LUZP1: variants seen among roughly 807,000 people sequenced by gnomAD.
LUZP1 encodes leucine zipper protein 1, also known as filamin mechanobinding actin cross-linking protein.
LUZP1 carries 25 observed loss-of-function variants against 71.3 expected under a neutral mutation model. The observed-to-expected ratio is 0.35, with a 90% CI of 0.26 to 0.49. The LOEUF is 0.49. Ranked by LOEUF, LUZP1 falls within the 20% of genes least tolerant of loss-of-function variation. The pLI is 0.99. For synonymous variants in LUZP1, 481 were observed against 506.4 expected, an observed-to-expected ratio of 0.95 and a Z score of 0.67; for missense variants, 1,142 against 1,300.8, an observed-to-expected ratio of 0.88 and a Z score of 1.88.
intron 3 of LUZP1, among the ~76,000 whole-genome samples, chr1:23,107,519 G>C (rs1296158358): frequency 6.6e-6 from 1 of 152,096 alleles, no homozygotes; most frequent in African/African-American, 2.4e-5. Context: ...GGTATGTGTA[G>C]GCTGGGTGCA....
At chr1:23,096,215 A>C (rs1204331337) in intron 3 of LUZP1, among the ~76,000 whole-genome samples, 1 of 152,180 alleles carries the variant, frequency 6.6e-6, no homozygotes, top group African/African-American at 2.4e-5. Context: ...CAACAGCTAG[A>C]AACAGAGAAG....
chr1:23,171,142 A>AC (rs577332518), intron 1 of LUZP1, among the ~76,000 whole-genome samples: 11 of 148,568 alleles, frequency 7.4e-5, no homozygotes, highest in Non-Finnish European at 1.6e-4. Flanking sequence ...TTATATATGT[A>AC]TTTTTATATA....
chr1:23,092,103 G>A, exon 4 of LUZP1: 2 of 1,614,184 alleles, frequency 1.2e-6, no homozygotes, highest in Non-Finnish European at 1.7e-6. Flanking sequence ...GGCTCTGACA[G>A]ATTTCACAGA....
chr1:23,147,034 T>A (rs924400729), intron 2 of LUZP1, among the ~76,000 whole-genome samples: 5 of 147,882 alleles, frequency 3.4e-5, no homozygotes, highest in Admixed American at 2.7e-4. Context: ...GAGGCGGAGG[T>A]TGCAGTGAGC....
intron 2 of LUZP1, among the ~76,000 whole-genome samples, chr1:23,110,662 A>C (rs1204548201): frequency 6.6e-6 from 1 of 151,262 alleles, no homozygotes; most frequent in Non-Finnish European, 1.5e-5. Context: ...ACACACACAC[A>C]CACCCATCCC....
chr1:23,166,907 TCCAA>T (rs1305152152), intron 2 of LUZP1, among the ~76,000 whole-genome samples: 1 of 152,148 alleles, frequency 6.6e-6, no homozygotes, highest in African/African-American at 2.4e-5. Flanking sequence ...TTCTTCATAC[TCCAA>T]CCCATTCCCT....
chr1:23,152,929 A>G (rs1445832486), intron 2 of LUZP1, among the ~76,000 whole-genome samples: 3 of 152,038 alleles, frequency 2.0e-5, no homozygotes, highest in Non-Finnish European at 4.4e-5. Context: ...AAATCTCTCC[A>G]ATATATTCCT....
At chr1:23,089,181 G>A (rs773552954) in intron 4 of LUZP1, 128 bp from the exon 4 acceptor site, 3 of 814,926 alleles carry the variant, frequency 3.7e-6, no homozygotes, top group South Asian at 3.5e-5. Context: ...CAGGCCATAA[G>A]TTAACTGCAA....
intron 2 of LUZP1, among the ~76,000 whole-genome samples, chr1:23,145,491 C>T (rs1644335988): frequency 2.2e-5 from 3 of 133,464 alleles, no homozygotes; most frequent in Admixed American, 7.9e-5. Flanking sequence ...TTTTTTGAGA[C>T]GGAGTCTTAC....
chr1:23,117,632 C>T (rs1040225579), intron 2 of LUZP1, among the ~76,000 whole-genome samples: 3 of 151,586 alleles, frequency 2.0e-5, no homozygotes, highest in Non-Finnish European at 4.4e-5. Context: ...AGGCAGCATC[C>T]AAAAGGGCAA....
In LUZP1 at chr1:23,093,776, C is replaced by T. The variant is rs373499979; in HGVS notation, c.486G>A (p.Val162=). 6.2e-7 allele frequency: 1 copy of T among 1,613,988 alleles called. No homozygotes were observed. The highest frequency in any genetic ancestry group is 1.1e-5 in the South Asian group (1 of 91,076). The change falls in exon 4 of 5, where the codon GTG becomes GTA. Residue 162 remains valine, a synonymous_variant. Coordinates refer to ENST00000302291, the Ensembl canonical transcript of LUZP1. This position sits in a 1 kb window ranked among gnomAD's most constrained non-coding sequence, Gnocchi z 4.2. ...GGTCCTCAGAAGATTCTAGTTCTTTCACTTTGACTCTGAGCATTTCCAGCT... is the reference window on the plus strand; with the variant it reads ...GGTCCTCAGAAGATTCTAGTTCTTTTACTTTGACTCTGAGCATTTCCAGCT...
intron 2 of LUZP1, among the ~76,000 whole-genome samples, chr1:23,151,661 AAAGATTAAAGTGT>A: frequency 1.3e-5 from 2 of 152,290 alleles, no homozygotes; most frequent in South Asian, 4.1e-4. Context: ...AGGCAGTTGT[AAAGATTAAAGTGT>A]AAGTCAAGTA....
chr1:23,103,923 G>GGGGGGAAGGAGGGAGGGAGT (rs1643957920), intron 3 of LUZP1, among the ~76,000 whole-genome samples: 1 of 97,104 alleles, frequency 1.0e-5, no homozygotes. Context: ...GGGAGGGAGG[G>GGGGGGAAGGAGGGAGGGAGT]GGGGAAGGAG....
intron 2 of LUZP1, among the ~76,000 whole-genome samples, chr1:23,110,490 C>G (rs1472692995): frequency 3.3e-5 from 5 of 152,174 alleles, no homozygotes; most frequent in Non-Finnish European, 5.9e-5. Flanking sequence ...TTCATCACAA[C>G]TGCCTCCCTT....
chr1:23,106,817 C>T (rs373707615), intron 3 of LUZP1, among the ~76,000 whole-genome samples: 17 of 152,300 alleles, frequency 1.1e-4, no homozygotes, highest in African/African-American at 3.9e-4. Flanking sequence ...CAGTGTCCAT[C>T]CTTCCCCACC....
chr1:23,091,660 C>T (rs10799790), exon 4 of LUZP1: 1,308,704 of 1,613,806 alleles, frequency 0.81, 536,100 homozygotes, highest in Non-Finnish European at 0.84. Flanking sequence ...TCTGGCCTGT[C>T]CTTCAGGGGC....
chr1:23,101,135 A>ATAC (rs1228264628), intron 3 of LUZP1, among the ~76,000 whole-genome samples: 1 of 152,248 alleles, frequency 6.6e-6, no homozygotes, highest in Non-Finnish European at 1.5e-5. Flanking sequence ...ACTACAGGCA[A>ATAC]TACTAAGTAC....
chr1:23,113,965 A>G (rs1438756410), intron 2 of LUZP1, among the ~76,000 whole-genome samples: 2 of 152,210 alleles, frequency 1.3e-5, no homozygotes, highest in Non-Finnish European at 2.9e-5. Context: ...AAAAAATTTA[A>G]GTGGAAATTT....
intron 2 of LUZP1, among the ~76,000 whole-genome samples, chr1:23,120,623 G>A (rs557672448): frequency 5.3e-5 from 8 of 152,134 alleles, no homozygotes; most frequent in African/African-American, 1.9e-4. Context: ...CTCCCAAAGT[G>A]CTAGGATTAC....
Sources: allele counts gnomAD v4.1 joint callset (sites outside exome capture counted in the v4.1 genomes callset), GRCh38; gene constraint gnomAD v4.1.1; non-coding constraint Gnocchi (gnomAD v3.1); transcripts MANE v1.5; gene names NCBI Gene and HGNC (gene_info 2026-07-23, HGNC 2026-07-21).